The following EDA variants were observed in gnomAD, a reference collection of about 807,000 sequenced individuals.
EDA encodes the protein ectodysplasin A.
Under a neutral mutation model 23.6 loss-of-function variants are expected in EDA, and 2 were observed. The ratio of observed to expected loss-of-function variants is 0.08; its 90% CI spans 0.03 to 0.27. EDA has a LOEUF of 0.27. EDA is among the 10% of genes least tolerant of loss of function. EDA has a pLI of 1.00. For missense variants in EDA, 229 were observed against 324.2 expected (o/e 0.71, Z 2.26); for synonymous variants, 131 against 132.0 (o/e 0.99, Z 0.05).
intron 1 of EDA, among the ~76,000 whole-genome samples, chrX:69,810,125 G>A (rs1236061739): frequency 9.5e-6 from 1 of 105,706 alleles, no homozygotes; most frequent in Admixed American, 1.0e-4. Flanking sequence ...GGGCGTGGTG[G>A]TGCATGCCTG....
chrX:69,672,756 C>G (rs1933944495), intron 1 of EDA, among the ~76,000 whole-genome samples: 1 of 110,567 alleles, frequency 9.0e-6, no homozygotes, highest in African/African-American at 3.3e-5. Flanking sequence ...GTGGTGGGCA[C>G]CTGTAGTCCC....
At chrX:69,843,570 G>GTTT (rs10669639) in intron 1 of EDA, among the ~76,000 whole-genome samples, 3 of 105,651 alleles carry the variant, frequency 2.8e-5, no homozygotes, top group African/African-American at 1.0e-4. Context: ...TAAGAGATCA[G>GTTT]TTTTTTTTTT....
chrX:69,752,449 C>G (rs778550251), intron 1 of EDA, among the ~76,000 whole-genome samples: 2 of 111,737 alleles, frequency 1.8e-5, no homozygotes, highest in South Asian at 3.8e-4. Context: ...GGTGGATAAG[C>G]TTTTTGATGT....
intron 1 of EDA, among the ~76,000 whole-genome samples, chrX:69,729,330 C>T (rs1170059918): frequency 5.4e-5 from 6 of 111,081 alleles, no homozygotes; most frequent in African/African-American, 2.0e-4. Flanking sequence ...ATTTCATCTC[C>T]TCTTTCCCAC....
intron 1 of EDA, among the ~76,000 whole-genome samples, chrX:69,735,166 G>A (rs953514008): frequency 9.0e-6 from 1 of 110,606 alleles, no homozygotes; most frequent in Non-Finnish European, 1.9e-5. Context: ...TGGTGTGTTT[G>A]TATGTATACA....
At chrX:69,809,273 A>G (rs2015886194) in intron 1 of EDA, among the ~76,000 whole-genome samples, 1 of 111,565 alleles carries the variant, frequency 9.0e-6, no homozygotes, top group South Asian at 3.9e-4. Flanking sequence ...GTGCACAGGA[A>G]GAATGTCTGG....
rs376596824 is a variant in EDA at position 69,642,474 on chromosome X, G to A, written c.396+25770G>A. Among the ~76,000 whole-genome samples, 31 of 110,603 alleles carry A rather than the reference G, an allele frequency of 2.8e-4. No homozygotes were observed. In the East Asian group the frequency reaches 5.5e-3, roughly 19 times the overall value. Reference sequence around the variant, plus strand: ...GCAAATAGCAACATACACACATAGCGTATTTATATGTTTTATTCTTATAAA... The same window carrying A: ...GCAAATAGCAACATACACACATAGCATATTTATATGTTTTATTCTTATAAA... On this transcript the variant is annotated intron_variant, in intron 1 of 7. Transcript: ENST00000374552.
At chrX:69,727,172 C>T (rs1192214681) in intron 1 of EDA, among the ~76,000 whole-genome samples, 1 of 111,559 alleles carries the variant, frequency 9.0e-6, no homozygotes, top group African/African-American at 3.3e-5. Context: ...GAACTCCTCT[C>T]GACGACTTTC....
intron 1 of EDA, among the ~76,000 whole-genome samples, chrX:69,826,152 G>A (rs1317514251): frequency 9.0e-6 from 1 of 111,644 alleles, no homozygotes; most frequent in African/African-American, 3.3e-5. Context: ...GTGTGATGTG[G>A]TGCTGAGAAG....
Position 70,037,746 on chromosome X carries a change from C to T in EDA, c.*2137C>T, listed in dbSNP as rs1286458570. On this transcript the variant is annotated 3_prime_UTR_variant, in exon 8 of 8. Transcript: ENST00000374552. Reference sequence around the variant, plus strand: ...CCCAGAGATGCCTGATTTCATTCCTCGATGGTAATACCCGTCCTCTCGGCT... The same window carrying T: ...CCCAGAGATGCCTGATTTCATTCCTTGATGGTAATACCCGTCCTCTCGGCT... 2.7e-5 allele frequency: 3 copies of T among 111,781 alleles called. No homozygotes were observed. Among genetic ancestry groups the T allele is most frequent in the Non-Finnish European group, 5.6e-5 (3 of 53,147 alleles). The allele number at this position is 111,781 out of a possible 1,213,427, so 9.2% of individuals were successfully genotyped here. A position where few individuals can be genotyped will look rare whatever the true frequency, so the allele number is the denominator to read the frequency against.
Position 69,785,683 on chromosome X carries a change from A to G in EDA, c.396+168979A>G, listed in dbSNP as rs1373715752. Among the ~76,000 whole-genome samples, 12 of 107,806 alleles carry G rather than the reference A, an allele frequency of 1.1e-4. No individual in the cohort carries two copies. The South Asian group carries it at 2.4e-3, about 22-fold the overall frequency. The allele number at this position is 107,806 out of a possible 115,157, so 93.6% of individuals were successfully genotyped here. On this transcript the variant is annotated intron_variant, in intron 1 of 7. Coordinates refer to ENST00000374552, the MANE Select transcript of EDA (RefSeq NM_001399.5). The stretch of plus-strand genomic sequence containing the variant: ...GGATAAGCTTTTTGATGTGCTGCTG[A>G]ATTCGATTTGCCAGTATTTTATTGA...
intron 1 of EDA, among the ~76,000 whole-genome samples, chrX:69,652,359 T>C (rs755927315): frequency 1.8e-5 from 2 of 111,886 alleles, no homozygotes; most frequent in Non-Finnish European, 3.8e-5. Flanking sequence ...GGAGTCTTGA[T>C]GAAGTTCATT....
intron 1 of EDA, among the ~76,000 whole-genome samples, chrX:69,786,358 T>C (rs1258695759): frequency 9.4e-6 from 1 of 106,816 alleles, no homozygotes; most frequent in African/African-American, 3.4e-5. Context: ...GCTCTTGCTT[T>C]TCTAGTTCTT....
At chrX:69,679,620 C>A (rs763899981) in intron 1 of EDA, among the ~76,000 whole-genome samples, 37 of 111,364 alleles carry the variant, frequency 3.3e-4, no homozygotes, top group Non-Finnish European at 4.7e-4. Context: ...AGGTGTTTGT[C>A]GTATTCTCTG....
intron 1 of EDA, among the ~76,000 whole-genome samples, chrX:69,943,128 T>G (rs949822582): frequency 1.8e-5 from 2 of 111,859 alleles, no homozygotes; most frequent in African/African-American, 3.3e-5. Context: ...TTGAGCTTCC[T>G]CAAAACAGCT....
chrX:69,964,211 T>G (rs2019143197), intron 2 of EDA, among the ~76,000 whole-genome samples: 1 of 111,797 alleles, frequency 8.9e-6, no homozygotes, highest in African/African-American at 3.3e-5. Flanking sequence ...CTTACTTCAC[T>G]TCTCTGATCT....
chrX:69,920,008 T>C (rs1399946708), intron 1 of EDA, among the ~76,000 whole-genome samples: 1 of 111,151 alleles, frequency 9.0e-6, no homozygotes, highest in Non-Finnish European at 1.9e-5. Flanking sequence ...GTCACTGCAG[T>C]GAGAGCAGCT....
At chrX:69,956,493 C>A (rs1206341561) in intron 1 of EDA, among the ~76,000 whole-genome samples, 2 of 108,932 alleles carry the variant, frequency 1.8e-5, no homozygotes, top group Admixed American at 9.9e-5. Flanking sequence ...AGGCACCCCC[C>A]ACCACCACAC....
intron 2 of EDA, among the ~76,000 whole-genome samples, chrX:70,001,005 T>C (rs924368176): frequency 8.0e-5 from 9 of 111,887 alleles, no homozygotes; most frequent in Admixed American, 1.9e-4. Context: ...ACTGCCTTTA[T>C]GGAGAAGGGG....
Sources: gnomAD v4.1 joint callset for allele counts (sites outside exome capture counted in the v4.1 genomes callset) on GRCh38, gnomAD v4.1.1 for gene constraint, MANE v1.5 for transcripts, NCBI Gene and HGNC (gene_info 2026-07-23, HGNC 2026-07-21) for gene names.